Variants in MIA2 observed in about 807,000 individuals in gnomAD.
MIA2 encodes the protein melanoma inhibitory activity protein 2.
A neutral mutation model predicts 167.8 loss-of-function variants in MIA2; 127 were observed. The observed-to-expected ratio is 0.76, with a 90% CI of 0.66 to 0.88. The LOEUF is 0.88. MIA2 is among the 40% of genes least tolerant of loss of function. The pLI is 0.00. For missense variants in MIA2, 1,690 were observed against 1,624.7 expected (o/e 1.04, Z -0.69); for synonymous variants, 552 against 541.9 (o/e 1.02, Z -0.26).
At chr14:39,293,099 A>G (rs2060950501) in intron 10 of MIA2, among the ~76,000 whole-genome samples, 172 bp from the exon 11 acceptor site, 2 of 152,346 alleles carry the variant, frequency 1.3e-5, no homozygotes, top group African/African-American at 4.8e-5. Flanking sequence ...CTGGCTCTTT[A>G]CAGAACTTTG....
At position 39,319,213 on chromosome 14, in the gene MIA2, A is replaced by T. The variant is rs779156379; in HGVS notation, c.3289A>T (p.Thr1097Ser). 1 of 1,552,750 alleles carries T rather than the reference A, an allele frequency of 6.4e-7. No homozygotes were observed. The highest frequency in any genetic ancestry group is 8.7e-7 in the Non-Finnish European group (1 of 1,142,926). Residue 1097 changes from threonine to serine, a missense_variant, in exon 23 of 29, where the codon ACT becomes TCT. Coordinates refer to ENST00000640607, the MANE Select transcript of MIA2 (RefSeq NM_001329214.4). ...ATGTTTGTTCTTTATTTGCAGATTA[A>T]CTGAAACAGAGCTTAAATTTGAACT... ...KENAHNRQKL[T>S]ETELKFELLE...
intron 6 of MIA2, chr14:39,267,309 C>A (rs2055974561): frequency 1.3e-6 from 2 of 1,486,516 alleles, no homozygotes; most frequent in Admixed American, 5.1e-5. Context: ...CCCTGTCCCC[C>A]AGCTCCCCCC....
At chr14:39,239,791 A>AT (rs2053958666) in intron 2 of MIA2, among the ~76,000 whole-genome samples, 1 of 152,202 alleles carries the variant, frequency 6.6e-6, no homozygotes, top group South Asian at 2.1e-4. Context: ...TAGTTCATGC[A>AT]GTTAGCTGTT....
chr14:39,380,811 A>G (rs533640890), intron 23 of MIA2, among the ~76,000 whole-genome samples: 18 of 152,102 alleles, frequency 1.2e-4, no homozygotes, highest in Admixed American at 4.6e-4. Flanking sequence ...TTTAGTCTCT[A>G]TCTAGATTTC....
chr14:39,375,357 A>T (rs1417899890), intron 23 of MIA2, among the ~76,000 whole-genome samples: 1 of 152,208 alleles, frequency 6.6e-6, no homozygotes, highest in Non-Finnish European at 1.5e-5. Flanking sequence ...ATTCAGCCTG[A>T]AATGGTAAAG....
Position 39,297,666 on chromosome 14 carries a change from C to CGTGTGTGTGTGTGTGTGT in MIA2, c.2497-2183_2497-2166dup, listed in dbSNP as rs71435638. Among the ~76,000 whole-genome samples the CGTGTGTGTGTGTGTGTGT allele has an allele frequency of 6.8e-3, 956 of 140,138 alleles. 8 individuals carry two copies. Among genetic ancestry groups the CGTGTGTGTGTGTGTGTGT allele is most frequent in the Non-Finnish European group, 8.7e-3 (558 of 64,502 alleles). The allele number at this position is 140,138 out of a possible 152,430, so 91.9% of individuals were successfully genotyped here. A position where few individuals can be genotyped will look rare whatever the true frequency, so the allele number is the denominator to read the frequency against. ...CAAAGAATGACCCTGTAGGGTTTTG[C>CGTGTGTGTGTGTGTGTGT]GTGTGTGTGTGTGTGTGTGTGTGTG... On this transcript the variant is annotated intron_variant, in intron 13 of 28. Transcript: ENST00000640607.
chr14:39,301,893 TGTACTATATTTGATTTGGGAA>T (rs2062572394), intron 14 of MIA2, among the ~76,000 whole-genome samples: 1 of 152,230 alleles, frequency 6.6e-6, no homozygotes, highest in Non-Finnish European at 1.5e-5. Flanking sequence ...AATATTAATA[TGTACTATATTTGATTTGGGAA>T]TAACTAGTTT....
chr14:39,309,915 C>T (rs1022454588), intron 18 of MIA2, among the ~76,000 whole-genome samples: 4 of 148,962 alleles, frequency 2.7e-5, no homozygotes, highest in East Asian at 2.0e-4. Context: ...TCTGAAGACT[C>T]TAGATTTTCA....
rs920282001 is a variant in MIA2 at position 39,277,187 on chromosome 14, T to C, written c.2019+122T>C. On this transcript the variant is annotated intron_variant, in intron 7 of 28. Transcript: ENST00000640607. ...AGAAACTACATAGGGATTCAGAGGT[T>C]TTTGTTTTTTGTTTTTTGTTTTTTT... The C allele has an allele frequency of 3.4e-6, 4 of 1,163,264 alleles. No individual in the cohort carries two copies. In the African/African-American group the frequency reaches 6.3e-5, roughly 18 times the overall value. The allele number at this position is 1,163,264 out of a possible 1,614,324, so 72.1% of individuals were successfully genotyped here. A position where few individuals can be genotyped will look rare whatever the true frequency, so the allele number is the denominator to read the frequency against.
At chr14:39,285,430 C>T (rs2059517875) in intron 9 of MIA2, among the ~76,000 whole-genome samples, 1 of 136,070 alleles carries the variant, frequency 7.3e-6, no homozygotes, top group Admixed American at 7.1e-5. Context: ...GGGGGCTGAC[C>T]CCCCCACCTT....
chr14:39,271,714 G>T (rs2057174281), intron 6 of MIA2, among the ~76,000 whole-genome samples: 2 of 151,936 alleles, frequency 1.3e-5, no homozygotes, highest in South Asian at 4.2e-4. Flanking sequence ...CAGATCATTT[G>T]AGCCCAGGAC....
Position 39,361,401 on chromosome 14 carries a change from G to C in MIA2, c.2248+12424G>C, listed in dbSNP as rs141139995. On this transcript the variant is annotated intron_variant, in intron 23 of 23. Coordinates refer to the MIA2 transcript ENST00000341502. Reference sequence around the variant, plus strand: ...TCTTTGGTGTTTTACTGTTTTCTTTGTGGCTATTGCTCTGACTAGGACTTT... The same window carrying C: ...TCTTTGGTGTTTTACTGTTTTCTTTCTGGCTATTGCTCTGACTAGGACTTT... Among the ~76,000 whole-genome samples, 51 of 147,586 alleles carry C rather than the reference G, an allele frequency of 3.5e-4. No homozygotes were observed. The East Asian group carries it at 9.4e-3, about 27-fold the overall frequency.
chr14:39,247,380 A>C lies in MIA2; in HGVS notation c.806A>C (p.Asn269Thr). ...EDENDLEELN[N>T]GEPQTEHQQE... ...GAGAATGACCTAGAGGAATTAAATA[A>C]TGGTGAGCCTCAAACAGAACATCAG... The change falls in exon 4 of 29, where the codon AAT becomes ACT. Residue 269 changes from asparagine (N) to threonine (T), a missense_variant. Coordinates refer to ENST00000640607, the MANE Select transcript of MIA2 (RefSeq NM_001329214.4). 6.2e-7 allele frequency: 1 copy of C among 1,614,168 alleles called. No individual in the cohort carries two copies. The highest frequency in any genetic ancestry group is 8.5e-7 in the Non-Finnish European group (1 of 1,180,028).
intron 25 of MIA2, among the ~76,000 whole-genome samples, chr14:39,337,095 C>T (rs780836392): frequency 3.9e-5 from 6 of 151,948 alleles, no homozygotes; most frequent in Non-Finnish European, 7.4e-5. Flanking sequence ...TTTCTTTGGA[C>T]CTTATATATT....
At chr14:39,377,888 T>G (rs1294042053) in intron 23 of MIA2, among the ~76,000 whole-genome samples, 1 of 152,126 alleles carries the variant, frequency 6.6e-6, no homozygotes, top group Non-Finnish European at 1.5e-5. Flanking sequence ...GTGAATTGGG[T>G]GAATTCTTCT....
chr14:39,373,277 T>C (rs1263632501), intron 23 of MIA2, among the ~76,000 whole-genome samples: 1 of 148,842 alleles, frequency 6.7e-6, no homozygotes, highest in Non-Finnish European at 1.5e-5. Context: ...ATACTGGCTT[T>C]CTATGTTAAA....
chr14:39,261,065 G>A (rs1393273016), intron 6 of MIA2, among the ~76,000 whole-genome samples: 6 of 151,898 alleles, frequency 4.0e-5, no homozygotes, highest in Non-Finnish European at 7.4e-5. Context: ...ATGTATACAT[G>A]TGCCATGTTG....
intron 6 of MIA2, 171 bp downstream of exon 6, chr14:39,253,342 G>T: frequency 2.2e-6 from 2 of 893,132 alleles, no homozygotes; most frequent in African/African-American, 1.7e-5. Flanking sequence ...TTTGTCAAAT[G>T]GATATTGATT....
At chr14:39,277,770 A>ATGTGTG (rs2058363861) in intron 7 of MIA2, among the ~76,000 whole-genome samples, 11 of 38,842 alleles carry the variant, frequency 2.8e-4, no homozygotes, top group South Asian at 1.1e-3. Flanking sequence ...ATATATATAT[A>ATGTGTG]TATATATATA....
Sources: gnomAD v4.1 joint callset for allele counts (sites outside exome capture counted in the v4.1 genomes callset) on GRCh38, gnomAD v4.1.1 for gene constraint, MANE v1.5 for transcripts, NCBI Gene and HGNC (gene_info 2026-07-23, HGNC 2026-07-21) for gene names.